Variants in SLC26A5 observed in about 807,000 individuals in gnomAD.
SLC26A5 encodes the protein prestin.
A neutral mutation model predicts 81.0 loss-of-function variants in SLC26A5; 51 were observed. The ratio of observed to expected loss-of-function variants is 0.63; its 90% CI spans 0.50 to 0.80. SLC26A5 has a LOEUF of 0.80. SLC26A5 is among the 30% of genes least tolerant of loss of function. SLC26A5 has a pLI of 0.00. For synonymous variants in SLC26A5, 325 were observed against 332.8 expected (o/e 0.98, Z 0.25); for missense variants, 771 against 905.8 (o/e 0.85, Z 1.91).
chr7:103,354,042 G>A, intron 19 of SLC26A5: 5 of 1,114,722 alleles, frequency 4.5e-6, no homozygotes, highest in South Asian at 1.6e-5. Context: ...AAAATAATTA[G>A]AAGAAGTTAA....
downstream of SLC26A5, among the ~76,000 whole-genome samples, chr7:103,370,145 GC>G (rs755688338): frequency 6.6e-6 from 1 of 152,092 alleles, no homozygotes; most frequent in South Asian, 2.1e-4. Flanking sequence ...ACTTTTATGA[GC>G]ATTCAAAACA....
chr7:103,414,662 T>C (rs1310711662), intron 4 of SLC26A5, among the ~76,000 whole-genome samples: 1 of 152,252 alleles, frequency 6.6e-6, no homozygotes, highest in African/African-American at 2.4e-5. Context: ...TCCATTCATC[T>C]ACTGAAGGCC....
intron 4 of SLC26A5, among the ~76,000 whole-genome samples, chr7:103,419,087 C>T (rs1562792146): frequency 1.3e-5 from 2 of 152,210 alleles, no homozygotes; most frequent in Non-Finnish European, 2.9e-5. Context: ...CAAGCTCTCT[C>T]TTGCCTGCCA....
At chr7:103,392,692 C>T (rs1285460441) in intron 10 of SLC26A5, among the ~76,000 whole-genome samples, 2 of 152,224 alleles carry the variant, frequency 1.3e-5, no homozygotes, top group Non-Finnish European at 2.9e-5. Context: ...ATTCTCCTGC[C>T]TCAGCCTCCC....
At position 103,367,660 on chromosome 7, in the gene SLC26A5, T is replaced by C; in HGVS notation, c.2041+9148A>G. On this transcript the variant is annotated intron_variant, in intron 19 of 19. Coordinates refer to the SLC26A5 transcript ENST00000339444. This position sits in a 1 kb window ranked among gnomAD's most constrained non-coding sequence, Gnocchi z 6.1. ...TTAGGAAAGGGATTTTTGAAGTTTT[T>C]TCTTCCTGTGATTTTTTTCCATTTT... The C allele has an allele frequency of 1.9e-6, 3 of 1,609,082 alleles. No individual in the cohort carries two copies. The highest frequency in any genetic ancestry group is 2.5e-6 in the Non-Finnish European group (3 of 1,177,478).
In SLC26A5 at chr7:103,374,412, G is replaced by A. The variant is rs1359609345; in HGVS notation, c.2222C>T (p.Thr741Ile). 24 of 1,612,224 alleles carry A rather than the reference G, an allele frequency of 1.5e-5. No individual in the cohort carries two copies. The highest frequency in any genetic ancestry group is 2.0e-5 in the Non-Finnish European group (24 of 1,179,958). ...EDLEPNATPA[T>I]PEA ...TGAGGTCCTCATCTATGCCTCAGGA[G>A]TGGCAGGAGTGGCATTGGGCTCCAA... The change falls in exon 20 of 20, where the codon ACT becomes ATT. Residue 741 changes from threonine (T) to isoleucine (I), a missense_variant. Physicochemically the swap from Thr to Ile is moderately conservative, Grantham distance 89. Coordinates refer to ENST00000306312, the MANE Select transcript of SLC26A5 (RefSeq NM_198999.3).
At chr7:103,370,078 A>G (rs1363219414), downstream of SLC26A5, among the ~76,000 whole-genome samples, 1 of 152,166 alleles carries the variant, frequency 6.6e-6, no homozygotes, top group Non-Finnish European at 1.5e-5. Flanking sequence ...AAACCATTGC[A>G]TGCATTTTGG....
chr7:103,370,295 A>G (rs1232220885), downstream of SLC26A5, among the ~76,000 whole-genome samples: 1 of 152,118 alleles, frequency 6.6e-6, no homozygotes, highest in Non-Finnish European at 1.5e-5. Context: ...TAGAATTTAA[A>G]TTGATTTACT....
At chr7:103,402,852 G>A (rs1226022361) in intron 8 of SLC26A5, among the ~76,000 whole-genome samples, 1 of 151,930 alleles carries the variant, frequency 6.6e-6, no homozygotes, top group Non-Finnish European at 1.5e-5. Flanking sequence ...TTTTTTGAAG[G>A]GTTTTTCTTG....
At chr7:103,359,064 G>A (rs2116193483) in intron 19 of SLC26A5, among the ~76,000 whole-genome samples, 1 of 139,892 alleles carries the variant, frequency 7.1e-6, no homozygotes, top group African/African-American at 2.6e-5. Context: ...GCTCGCTGCA[G>A]CCTCTGCTTC....
chr7:103,362,341 A>C (rs1820459547), intron 19 of SLC26A5: 1 of 1,361,222 alleles, frequency 7.3e-7, no homozygotes, highest in East Asian at 3.0e-5. Context: ...TTACCAGTCC[A>C]TTTAAGGTAA....
chr7:103,409,828 C>T (rs1270656401), intron 7 of SLC26A5, among the ~76,000 whole-genome samples: 1 of 152,056 alleles, frequency 6.6e-6, no homozygotes, highest in Non-Finnish European at 1.5e-5. Context: ...CTGTCTCAGC[C>T]TCCTGAGTAG....
intron 8 of SLC26A5, among the ~76,000 whole-genome samples, chr7:103,400,277 A>G (rs762206396): frequency 1.3e-5 from 2 of 152,334 alleles, no homozygotes; most frequent in Non-Finnish European, 2.9e-5. Context: ...CTGGCATGAG[A>G]TGGTATCCCG....
rs759499089 is a variant in SLC26A5 at position 103,379,304 on chromosome 7, T to C, written c.1616A>G (p.Gln539Arg). The C allele has an allele frequency of 4.3e-6, 7 of 1,609,994 alleles. No homozygotes were observed. The highest frequency in any genetic ancestry group is 6.0e-6 in the Non-Finnish European group (7 of 1,176,466). The change falls in exon 16 of 20, where the codon CAA becomes CGA. Residue 539 changes from glutamine (Q) to arginine (R), a missense_variant. Coordinates refer to ENST00000306312, the MANE Select transcript of SLC26A5 (RefSeq NM_198999.3). Reference sequence around the variant, plus strand: ...TGCATAGTAAATTGGTGCATTTATTTGAAATATTTTTATTCCAGGAATTTC... The same window carrying C: ...TGCATAGTAAATTGGTGCATTTATTCGAAATATTTTTATTCCAGGAATTTC... The part of the protein sequence containing the change: ...VKEIPGIKIF[Q>R]INAPIYYANS...
chr7:103,395,476 T>C (rs1250094901), intron 9 of SLC26A5, among the ~76,000 whole-genome samples: 1 of 141,532 alleles, frequency 7.1e-6, no homozygotes, highest in Non-Finnish European at 1.5e-5. Flanking sequence ...TATATATACA[T>C]ATATATATAC....
intron 14 of SLC26A5, among the ~76,000 whole-genome samples, chr7:103,381,577 T>TAC (rs200901196): frequency 6.8e-6 from 1 of 147,028 alleles, no homozygotes; most frequent in Non-Finnish European, 1.5e-5. Context: ...TACATACATA[T>TAC]ACACACACAC....
intron 4 of SLC26A5, among the ~76,000 whole-genome samples, chr7:103,414,073 A>T (rs934780266): frequency 6.6e-6 from 1 of 152,082 alleles, no homozygotes; most frequent in Non-Finnish European, 1.5e-5. Flanking sequence ...CCATCATGAT[A>T]GTGTGATATA....
intron 9 of SLC26A5, among the ~76,000 whole-genome samples, chr7:103,397,540 CAAAAAAA>C (rs746669151): frequency 5.0e-5 from 2 of 39,886 alleles, no homozygotes; most frequent in East Asian, 7.5e-4. Flanking sequence ...GACTCCATCT[CAAAAAAA>C]AAAAAAAAAA....
chr7:103,358,714 C>A (rs139180542), intron 19 of SLC26A5, among the ~76,000 whole-genome samples: 1 of 151,726 alleles, frequency 6.6e-6, no homozygotes, highest in South Asian at 2.1e-4. Context: ...GTAATATGTT[C>A]TTATCTCTCT....
Sources: gnomAD v4.1 joint callset for allele counts (sites outside exome capture counted in the v4.1 genomes callset) on GRCh38, gnomAD v4.1.1 for gene constraint, Gnocchi (gnomAD v3.1) non-coding constraint, MANE v1.5 for transcripts, NCBI Gene and HGNC (gene_info 2026-07-23, HGNC 2026-07-21) for gene names.